SCUBE1: variants seen among roughly 807,000 people sequenced by gnomAD.
SCUBE1 encodes the protein signal peptide, CUB domain and EGF like domain containing 1.
SCUBE1 carries 59 observed loss-of-function variants against 124.4 expected under a neutral mutation model. That is an observed-to-expected ratio of 0.47 (90% CI 0.38 to 0.59). The LOEUF (loss-of-function observed/expected upper bound fraction) is 0.59. SCUBE1 is among the 20% of genes least tolerant of loss of function. The probability of loss-of-function intolerance (pLI) is 0.00; values close to 1 mark genes in which losing one functional copy is unlikely to be tolerated. For missense variants in SCUBE1, 1,150 were observed against 1,371.2 expected, an observed-to-expected ratio of 0.84 and a Z score of 2.55; for synonymous variants, 545 against 550.9, an observed-to-expected ratio of 0.99 and a Z score of 0.15.
Position 43,229,114 on chromosome 22 carries a change from A to G in SCUBE1, c.1042T>C (p.Cys348Arg). ...INSPGSFQCL[C>R]HRGYILYGTT... ...CCGTAGAGGATGTAGCCGCGGTGAC[A>G]CAGGCACTGGAAGCTGCCCGGGGAG... The change falls in exon 9 of 22, where the codon TGT becomes CGT. Residue 348 changes from cysteine (C) to arginine (R), a missense_variant. Physicochemically the swap from Cys to Arg is radical, Grantham distance 180 (BLOSUM62 -3). Coordinates refer to ENST00000360835, the MANE Select transcript of SCUBE1 (RefSeq NM_173050.5). 6.2e-7 allele frequency: 1 copy of G among 1,613,934 alleles called. No individual in the cohort carries two copies. Among genetic ancestry groups the G allele is most frequent in the Non-Finnish European group, 8.5e-7 (1 of 1,180,008 alleles).
At chr22:43,228,031 C>T (rs1360983285) in intron 9 of SCUBE1, among the ~76,000 whole-genome samples, 4 of 152,182 alleles carry the variant, frequency 2.6e-5, no homozygotes, top group African/African-American at 9.7e-5. Flanking sequence ...TCGGCAGGCC[C>T]AGGGAAGGGG....
At chr22:43,206,547 G>T (rs1292095911) in intron 21 of SCUBE1, among the ~76,000 whole-genome samples, 2 of 152,174 alleles carry the variant, frequency 1.3e-5, no homozygotes, top group Non-Finnish European at 2.9e-5. Flanking sequence ...GGGACCTAAG[G>T]GGCTGCAAAG....
intron 6 of SCUBE1, among the ~76,000 whole-genome samples, chr22:43,246,216 T>C (rs1170898965): frequency 2.0e-5 from 3 of 152,150 alleles, no homozygotes; most frequent in African/African-American, 7.2e-5. Flanking sequence ...CTTCACTTCC[T>C]GCCTCTACCC....
chr22:43,273,561 C>CT (rs1056252584), intron 4 of SCUBE1, among the ~76,000 whole-genome samples: 18,752 of 60,168 alleles, frequency 0.31, 4,474 homozygotes, highest in Middle Eastern at 0.43. Flanking sequence ...CTAAAACCCT[C>CT]TTTTTTTTTT....
At chr22:43,212,108 C>CA (rs1340148176) in intron 17 of SCUBE1, among the ~76,000 whole-genome samples, 1 of 151,248 alleles carries the variant, frequency 6.6e-6, no homozygotes, top group Non-Finnish European at 1.5e-5. Flanking sequence ...CTCCTGCCCC[C>CA]ACACTCCTGC....
intron 19 of SCUBE1, among the ~76,000 whole-genome samples, chr22:43,208,839 C>T (rs918477154): frequency 1.3e-5 from 2 of 152,244 alleles, no homozygotes; most frequent in Non-Finnish European, 2.9e-5. Context: ...TTCTCAGACA[C>T]GGTGACAGTG....
In SCUBE1 at chr22:43,291,134, G is replaced by A. The variant is rs745460341; in HGVS notation, c.396C>T (p.Cys132=). The change falls in exon 4 of 22, where the codon TGC becomes TGT. Residue 132 remains cysteine, a synonymous_variant. Transcript: ENST00000360835. Reference sequence around the variant, plus strand: ...ACTCGTAGCTGCCCATGGCATTGACGCAGATCTGCTGGCAGCCACCATTAT... The same window carrying A: ...ACTCGTAGCTGCCCATGGCATTGACACAGATCTGCTGGCAGCCACCATTAT... ...QDNNGGCQQI[C]VNAMGSYECQ... 24 of 1,613,424 alleles carry A rather than the reference G, an allele frequency of 1.5e-5. 1 individual carries two copies. Among genetic ancestry groups the A allele is most frequent in the Middle Eastern group, 3.3e-4 (2 of 6,084 alleles).
intron 3 of SCUBE1, among the ~76,000 whole-genome samples, chr22:43,302,525 C>T (rs993255923): frequency 3.9e-5 from 6 of 152,150 alleles, no homozygotes; most frequent in African/African-American, 1.4e-4. Flanking sequence ...CAGAGTCAGG[C>T]ACTCTTTGTT....
At chr22:43,327,270 G>A (rs968640384) in intron 2 of SCUBE1, among the ~76,000 whole-genome samples, 2 of 152,130 alleles carry the variant, frequency 1.3e-5, no homozygotes, top group Non-Finnish European at 2.9e-5. Flanking sequence ...CAAATGCAAG[G>A]GGAGCCAGGA....
rs1920954035 is a variant in SCUBE1 at position 43,198,037 on chromosome 22, C to T, written c.*5960G>A. 1.3e-5 allele frequency: 2 copies of T among 154,136 alleles called. No individual in the cohort carries two copies. The highest frequency in any genetic ancestry group is 2.0e-4 in the South Asian group (1 of 4,940). The allele number at this position is 154,136 out of a possible 1,614,324, so 9.5% of individuals were successfully genotyped here. ...TGGGCTTGAGTTTGATTCCCAAATC[C>T]AGGGACTACCAACTCTTTGCCTTGG... On this transcript the variant is annotated 3_prime_UTR_variant, in exon 22 of 22. Transcript: ENST00000360835.
chr22:43,253,813 G>A (rs1224521474), intron 6 of SCUBE1, among the ~76,000 whole-genome samples: 1 of 123,092 alleles, frequency 8.1e-6, no homozygotes, highest in African/African-American at 4.9e-5. Flanking sequence ...TACCTAAGGG[G>A]CCCAGCTCCT....
At chr22:43,308,663 C>T (rs550252704) in intron 3 of SCUBE1, among the ~76,000 whole-genome samples, 1 of 152,220 alleles carries the variant, frequency 6.6e-6, no homozygotes, top group Non-Finnish European at 1.5e-5. Context: ...AGAGCTGGAG[C>T]GCGGCGCCTG....
chr22:43,243,659 C>T (rs7289924), intron 6 of SCUBE1, among the ~76,000 whole-genome samples: 1 of 152,234 alleles, frequency 6.6e-6, no homozygotes, highest in African/African-American at 2.4e-5. Flanking sequence ...CATTAAGGGA[C>T]AGGCGCTATG....
intron 4 of SCUBE1, among the ~76,000 whole-genome samples, chr22:43,275,132 G>C (rs1025778349): frequency 1.6e-4 from 25 of 152,208 alleles, no homozygotes; most frequent in African/African-American, 6.0e-4. Context: ...TTCTGGAGCA[G>C]GAACAAGCCC....
chr22:43,296,975 G>T (rs1925585267), intron 3 of SCUBE1, among the ~76,000 whole-genome samples: 1 of 152,254 alleles, frequency 6.6e-6, no homozygotes, highest in Non-Finnish European at 1.5e-5. Context: ...AGCCCGCAGA[G>T]CTGGGGGAGG....
intron 4 of SCUBE1, among the ~76,000 whole-genome samples, chr22:43,266,247 G>C (rs1391417949): frequency 6.6e-6 from 1 of 152,196 alleles, no homozygotes; most frequent in Non-Finnish European, 1.5e-5. Flanking sequence ...CTGTGGTCAG[G>C]CTGGAGTCTG....
At chr22:43,257,161 C>G (rs892621289) in intron 6 of SCUBE1, among the ~76,000 whole-genome samples, 7 of 152,250 alleles carry the variant, frequency 4.6e-5, no homozygotes, top group African/African-American at 1.7e-4. Flanking sequence ...CGCTCGGGCC[C>G]TGCTCCCTGA....
At chr22:43,294,924 G>A (rs1457734724) in intron 3 of SCUBE1, among the ~76,000 whole-genome samples, 1 of 151,940 alleles carries the variant, frequency 6.6e-6, no homozygotes, top group Non-Finnish European at 1.5e-5. Flanking sequence ...CCCAGCTCAG[G>A]CATTATCTTA....
chr22:43,340,916 T>C (rs1362816002), intron 1 of SCUBE1, among the ~76,000 whole-genome samples: 4 of 152,104 alleles, frequency 2.6e-5, no homozygotes, highest in Non-Finnish European at 5.9e-5. Flanking sequence ...GAGTGTCCAC[T>C]CTAAATTTCT....
Sources: allele counts gnomAD v4.1 joint callset (sites outside exome capture counted in the v4.1 genomes callset), GRCh38; gene constraint gnomAD v4.1.1; transcripts MANE v1.5; gene names NCBI Gene and HGNC (gene_info 2026-07-23, HGNC 2026-07-21).